Variants in WWOX observed in about 807,000 individuals in gnomAD.
The protein encoded by WWOX is WW domain containing oxidoreductase.
WWOX carries 69 observed loss-of-function variants against 46.2 expected under a neutral mutation model. The observed-to-expected ratio is 1.49, with a 90% CI of 1.23 to 1.82. The LOEUF (loss-of-function observed/expected upper bound fraction) is 1.82, where lower values mean the gene tolerates loss of function less well. Among genes scored for constraint, WWOX ranks in the 40% most tolerant of loss-of-function variants. The pLI, the probability that WWOX is intolerant of heterozygous loss-of-function variation, is 0.00. For missense variants in WWOX, 919 were observed against 542.6 expected (o/e 1.69, Z -6.89); for synonymous variants, 359 against 202.6 (o/e 1.77, Z -6.56).
At chr16:78,281,316 G>A (rs12446398) in intron 5 of WWOX, among the ~76,000 whole-genome samples, 98,664 of 152,036 alleles carry the variant, frequency 0.65, 32,616 homozygotes, top group East Asian at 0.76. Flanking sequence ...AGATTTGGGC[G>A]GGGACAAATA....
At position 78,682,075 on chromosome 16, in the gene WWOX, T is replaced by C. The variant is rs145716665; in HGVS notation, c.1056+249323T>C. Among the ~76,000 whole-genome samples the C allele has an allele frequency of 4.0e-3, 607 of 152,334 alleles. 2 individuals are homozygous for C. Among genetic ancestry groups the C allele is most frequent in the African/African-American group, 0.014 (568 of 41,574 alleles). On this transcript the variant is annotated intron_variant, in intron 8 of 8. Transcript: ENST00000566780. Reference sequence around the variant, plus strand: ...CAAATGACTGTGACGACTGAGAAAATGCATGTATGTAAAGTCTGCAGCTGG... The same window carrying C: ...CAAATGACTGTGACGACTGAGAAAACGCATGTATGTAAAGTCTGCAGCTGG...
chr16:78,890,156 T>C (rs2044557708), intron 8 of WWOX: 1 of 152,106 alleles, frequency 6.6e-6, no homozygotes, highest in South Asian at 2.1e-4. Flanking sequence ...GTCATAACAG[T>C]TTTGAAGCAC....
chr16:78,730,441 A>C (rs140830770), intron 8 of WWOX, among the ~76,000 whole-genome samples: 249 of 152,060 alleles, frequency 1.6e-3, no homozygotes, highest in Middle Eastern at 0.01. Flanking sequence ...ACATGAGTCC[A>C]GGAGAAATAC....
At chr16:78,167,117 G>C (rs1051924913) in intron 5 of WWOX, 3 of 152,244 alleles carry the variant, frequency 2.0e-5, no homozygotes, top group Non-Finnish European at 2.9e-5. Context: ...AACTGTTTTT[G>C]CATCATTAAA....
At chr16:78,954,732 A>T (rs1351242625) in intron 8 of WWOX, among the ~76,000 whole-genome samples, 1 of 152,180 alleles carries the variant, frequency 6.6e-6, no homozygotes, top group Non-Finnish European at 1.5e-5. Flanking sequence ...AATAAAAATT[A>T]TATAAAGTGC....
chr16:79,019,583 A>G (rs1428447946), intron 8 of WWOX, among the ~76,000 whole-genome samples: 2 of 152,048 alleles, frequency 1.3e-5, no homozygotes, highest in Non-Finnish European at 1.5e-5. Flanking sequence ...GGAAAAAACA[A>G]AAGCAGAAAG....
At chr16:79,088,223 C>T (rs1051307797) in intron 8 of WWOX, among the ~76,000 whole-genome samples, 2 of 152,190 alleles carry the variant, frequency 1.3e-5, no homozygotes, top group African/African-American at 4.8e-5. Flanking sequence ...GGCCTTCAAG[C>T]AGCCTAGACT....
intron 8 of WWOX, among the ~76,000 whole-genome samples, chr16:78,830,803 C>T (rs192172732): frequency 3.9e-4 from 59 of 151,976 alleles, no homozygotes; most frequent in Non-Finnish European, 6.8e-4. Context: ...GCGTTCCCTC[C>T]CTCCTTGCCA....
intron 5 of WWOX, among the ~76,000 whole-genome samples, chr16:78,356,070 C>CAAAAAAAAA (rs1567520572): frequency 3.1e-4 from 3 of 9,590 alleles, no homozygotes; most frequent in African/African-American, 3.2e-4. Context: ...TTTTTTTTTC[C>CAAAAAAAAA]TAAAAAAAAA....
chr16:78,537,285 TTTG>T lies in WWOX; in HGVS notation c.1056+104536_1056+104538del, dbSNP rs1415503352. ...TGTCTCCCTGCCTTCCTTCCATCTG[TTTG>T]TTATCTGACTTAATCTTTGAAATAA... On this transcript the variant is annotated intron_variant, in intron 8 of 8. Coordinates refer to ENST00000566780, the MANE Select transcript of WWOX (RefSeq NM_016373.4). 5.9e-5 allele frequency among the ~76,000 whole-genome samples: 9 copies of T among 152,116 alleles called. No individual in the cohort carries two copies. In the South Asian group the frequency reaches 1.9e-3, roughly 32 times the overall value.
At chr16:78,886,434 C>A (rs890588331) in intron 8 of WWOX, among the ~76,000 whole-genome samples, 1 of 151,824 alleles carries the variant, frequency 6.6e-6, no homozygotes, top group Non-Finnish European at 1.5e-5. Flanking sequence ...AACATTTCCT[C>A]TTCTTTTGGA....
At chr16:78,393,615 G>A (rs948427862) in intron 6 of WWOX, among the ~76,000 whole-genome samples, 2 of 152,146 alleles carry the variant, frequency 1.3e-5, no homozygotes, top group Admixed American at 6.5e-5. Context: ...TTATTACTTA[G>A]ATTGCAGTTA....
chr16:78,925,474 A>G lies in WWOX; in HGVS notation c.1057-286134A>G, dbSNP rs571038187. On this transcript the variant is annotated intron_variant, in intron 8 of 8. Transcript: ENST00000566780. Reference sequence around the variant, plus strand: ...GTTAAAAAATGCCCTCACATTTCAAACATGTCCTGCTTTAAGTTCCCAGCG... The same window carrying G: ...GTTAAAAAATGCCCTCACATTTCAAGCATGTCCTGCTTTAAGTTCCCAGCG... Among the ~76,000 whole-genome samples, 4 of 152,284 alleles carry G rather than the reference A, an allele frequency of 2.6e-5. No individual in the cohort carries two copies. In the South Asian group the frequency reaches 8.3e-4, roughly 32 times the overall value.
intron 5 of WWOX, among the ~76,000 whole-genome samples, chr16:78,218,565 A>G (rs1422008927): frequency 1.3e-5 from 2 of 152,152 alleles, no homozygotes; most frequent in African/African-American, 2.4e-5. Context: ...CAGGAAAACT[A>G]TTCTCCTTCT....
At chr16:78,298,696 C>A (rs573199772) in intron 5 of WWOX, among the ~76,000 whole-genome samples, 2 of 151,720 alleles carry the variant, frequency 1.3e-5, no homozygotes, top group East Asian at 3.9e-4. Flanking sequence ...GAGGCTGAGG[C>A]AGGAGAATCG....
intron 8 of WWOX, among the ~76,000 whole-genome samples, chr16:79,021,449 A>C (rs1302446421): frequency 1.3e-5 from 2 of 152,144 alleles, no homozygotes; most frequent in Admixed American, 6.5e-5. Flanking sequence ...CACAGAGGAA[A>C]CCAATCATAT....
intron 8 of WWOX, among the ~76,000 whole-genome samples, chr16:79,135,109 A>T (rs982944093): frequency 2.0e-5 from 3 of 152,096 alleles, no homozygotes; most frequent in Non-Finnish European, 4.4e-5. Flanking sequence ...ATTTTCTAAC[A>T]ATTTTTTTCT....
At chr16:78,876,157 A>G (rs2044229711) in intron 8 of WWOX, among the ~76,000 whole-genome samples, 1 of 152,072 alleles carries the variant, frequency 6.6e-6, no homozygotes, top group South Asian at 2.1e-4. Context: ...ATCCTTTTAT[A>G]AATTTTGCTT....
chr16:78,843,465 G>C (rs529220258), intron 8 of WWOX, among the ~76,000 whole-genome samples: 3 of 150,026 alleles, frequency 2.0e-5, no homozygotes, highest in Non-Finnish European at 4.5e-5. Flanking sequence ...ATTACTGTCA[G>C]CTTTGCCTAA....
Sources: allele counts gnomAD v4.1 joint callset (sites outside exome capture counted in the v4.1 genomes callset), GRCh38; gene constraint gnomAD v4.1.1; transcripts MANE v1.5; gene names NCBI Gene and HGNC (gene_info 2026-07-23, HGNC 2026-07-21).